HDAC6: variants seen among roughly 807,000 people sequenced by gnomAD.
The protein encoded by HDAC6 is protein deacetylase HDAC6.
A neutral mutation model predicts 88.9 loss-of-function variants in HDAC6; 5 were observed. The ratio of observed to expected loss-of-function variants is 0.06; its 90% CI spans 0.03 to 0.12. The LOEUF is 0.12. HDAC6 is among the 10% of genes least tolerant of loss of function. HDAC6 has a pLI of 1.00. For synonymous variants in HDAC6, 378 were observed against 398.0 expected, an observed-to-expected ratio of 0.95 and a Z score of 0.60; for missense variants, 706 against 1,014.4, an observed-to-expected ratio of 0.70 and a Z score of 4.13.
chrX:48,811,654 G>A lies in HDAC6; in HGVS notation c.807-2786G>A, dbSNP rs782600692. On this transcript the variant is annotated intron_variant, in intron 10 of 28. Coordinates refer to ENST00000334136, the MANE Select transcript of HDAC6 (RefSeq NM_006044.4). The stretch of plus-strand genomic sequence containing the variant: ...CAGAACAAAGGAGGCCTCTTCTTTG[G>A]GGTAACATCTCTTTTTTCCCTCAGC... 2.3e-3 allele frequency among the ~76,000 whole-genome samples: 263 copies of A among 111,961 alleles called. 2 individuals carry two copies. The highest frequency in any genetic ancestry group is 1.9e-3 in the Non-Finnish European group (103 of 53,097).
chrX:48,819,029 C>T lies in HDAC6; in HGVS notation c.2187+617C>T, dbSNP rs782388111. 1.6e-3 allele frequency among the ~76,000 whole-genome samples: 176 copies of T among 112,338 alleles called. 1 individual carries two copies. The highest frequency in any genetic ancestry group is 2.8e-3 in the Non-Finnish European group (148 of 53,233). On this transcript the variant is annotated intron_variant, in intron 22 of 28. Transcript: ENST00000334136. ...GGAGGGAAAGGGTGTGAGCACCGCT[C>T]TGTCACCCTGGGCGCCGGTGTGCAT... is the stretch of plus-strand genomic sequence containing the variant.
At chrX:48,812,947 G>A (rs1383455799) in intron 10 of HDAC6, among the ~76,000 whole-genome samples, 2 of 109,753 alleles carry the variant, frequency 1.8e-5, no homozygotes, top group Admixed American at 9.7e-5. Flanking sequence ...ATGCTCTGTC[G>A]CCCAGGCTGG....
Position 48,823,544 on chromosome X carries a change from C to T in HDAC6, c.3145C>T (p.Leu1049=). Residue 1049 remains leucine (L), a synonymous_variant, in exon 25 of 29, where the codon CTG becomes TTG. Coordinates refer to ENST00000334136, the MANE Select transcript of HDAC6 (RefSeq NM_006044.4). ...TACACCCCAGATATCTCCCAGTACA[C>T]TGATTGGGAGTCTCAGGACCTTGGA... ...GTTPQISPST[L]IGSLRTLELG... 1 of 1,209,896 alleles carries T rather than the reference C, an allele frequency of 8.3e-7. No homozygotes were observed. The highest frequency in any genetic ancestry group is 1.1e-6 in the Non-Finnish European group (1 of 894,366).
Position 48,816,125 on chromosome X carries a change from G to A in HDAC6, c.1494-16G>A, listed in dbSNP as rs781906565. ...CTCAGGCACTAAGCCTCTACCTCTC[G>A]TTTCCCCACTGCTAGCCACCACCCT... is the stretch of plus-strand genomic sequence containing the variant. On this transcript the variant is annotated splice_polypyrimidine_tract_variant and intron_variant, in intron 17 of 28. Transcript: ENST00000334136. 77 of 1,209,458 alleles carry A rather than the reference G, an allele frequency of 6.4e-5. No individual in the cohort carries two copies. The highest frequency in any genetic ancestry group is 3.0e-4 in the South Asian group (17 of 56,851).
At chrX:48,808,633 G>A (rs1557025179) in intron 10 of HDAC6, among the ~76,000 whole-genome samples, 2 of 112,274 alleles carry the variant, frequency 1.8e-5, no homozygotes, top group African/African-American at 6.5e-5. Context: ...CTGATTAACC[G>A]TTGGGTTAGA....
intron 4 of HDAC6, chrX:48,803,465 T>C (rs1351740652): frequency 2.9e-5 from 11 of 377,932 alleles, no homozygotes; most frequent in Non-Finnish European, 2.8e-5. Flanking sequence ...AGGAGCGGAT[T>C]GATGAGTAGG....
chrX:48,822,685 C>T lies in HDAC6; in HGVS notation c.2403C>T (p.Asp801=), dbSNP rs972872757. ...MAACTRSLLG[D]PPPLLTLPRP... ...CCTGCACTCGCTCCCTCCTTGGAGA[C>T]CCACCACCCCTGCTGACCCTGCCAC... The change falls in exon 24 of 29, where the codon GAC becomes GAT. Residue 801 remains aspartate, a synonymous_variant. Transcript: ENST00000334136. The T allele has an allele frequency of 2.9e-5, 35 of 1,207,265 alleles. No homozygotes were observed. The highest frequency in any genetic ancestry group is 2.6e-4 in the Admixed American group (12 of 45,586).
Position 48,824,027 on chromosome X carries a change from G to A in HDAC6, c.3409G>A (p.Gly1137Arg). 1 of 1,211,355 alleles carries A rather than the reference G, an allele frequency of 8.3e-7. No individual in the cohort carries two copies. The highest frequency in any genetic ancestry group is 1.1e-6 in the Non-Finnish European group (1 of 895,238). ...LDVTQPCGDC[G>R]TIQENWVCLS... ...CGTGACCCAACCTTGTGGGGACTGT[G>A]GAACAATCCAAGAGAATTGGGTGTG... The change falls in exon 27 of 29, where the codon GGA (glycine) becomes AGA (arginine). Residue 1137 changes from glycine to arginine, a missense_variant. Physicochemically the swap from Gly to Arg is moderately radical, Grantham distance 125. This residue lies in a region of HDAC6 where 112 missense variants were observed against 95.1 expected (regional missense o/e 1.18). Coordinates refer to ENST00000334136, the MANE Select transcript of HDAC6 (RefSeq NM_006044.4).
rs1557023840 is a variant in HDAC6, at chrX:48,805,438, C to A, written c.312C>A (p.Ser104Arg). 8.3e-7 allele frequency: 1 copy of A among 1,205,238 alleles called. No homozygotes were observed. The highest frequency in any genetic ancestry group is 1.7e-5 in the African/African-American group (1 of 57,565). Residue 104 changes from serine to arginine, a missense_variant and splice_region_variant, in exon 5 of 29, where the codon AGC (serine) becomes AGA (arginine). By Grantham distance (110) the Ser-to-Arg change is moderately radical. This residue lies in a region of HDAC6 where 193 missense variants were observed against 258.2 expected (regional missense o/e 0.75). Coordinates refer to ENST00000334136, the MANE Select transcript of HDAC6 (RefSeq NM_006044.4). ...TGTGACTGTGACTCCATCTCCCCAG[C>A]TTCCCGGAAGGCCCTGAGCGGCTCC... The part of the protein sequence containing the change: ...LNEFHCLWDD[S>R]FPEGPERLHA...
rs1557031924 is a variant in HDAC6 at position 48,824,793 on chromosome X, T to C, written c.*181T>C. ...CTTTTAAGAGAACTGCGACGATTAATTGTGGATCTCCCCCTGCCCATTGCC... is the reference window on the plus strand; with the variant it reads ...CTTTTAAGAGAACTGCGACGATTAACTGTGGATCTCCCCCTGCCCATTGCC... On this transcript the variant is annotated 3_prime_UTR_variant, in exon 29 of 29. Coordinates refer to ENST00000334136, the MANE Select transcript of HDAC6 (RefSeq NM_006044.4). 1 of 1,101,550 alleles carries C rather than the reference T, an allele frequency of 9.1e-7. No individual in the cohort carries two copies. The highest frequency in any genetic ancestry group is 2.2e-5 in the South Asian group (1 of 44,952). 90.8% of individuals were successfully genotyped at this position (1,101,550 alleles called of 1,213,427 possible).
Position 48,806,459 on chromosome X carries a change from C to A in HDAC6, c.529C>A (p.His177Asn). Residue 177 changes from histidine (H) to asparagine (N), a missense_variant, in exon 7 of 29, where the codon CAT (histidine) becomes AAT (asparagine). This residue lies in a region of HDAC6 where 193 missense variants were observed against 258.2 expected (regional missense o/e 0.75). Coordinates refer to ENST00000334136, the MANE Select transcript of HDAC6 (RefSeq NM_006044.4). Reference sequence around the variant, plus strand: ...AGACACCTACGACTCAGTTTATCTGCATCCGGTATGGATGAGAACTCTGCG... The same window carrying A: ...AGACACCTACGACTCAGTTTATCTGAATCCGGTATGGATGAGAACTCTGCG... The part of the protein sequence containing the change: ...LADTYDSVYL[H>N]PNSYSCACLA... 1 of 1,170,354 alleles carries A rather than the reference C, an allele frequency of 8.5e-7. No homozygotes were observed. The highest frequency in any genetic ancestry group is 1.2e-6 in the Non-Finnish European group (1 of 857,254).
chrX:48,801,722 A>C (rs1557022322), upstream of HDAC6: 4 of 500,071 alleles, frequency 8.0e-6, no homozygotes, highest in South Asian at 2.9e-5. Flanking sequence ...ACGCCGACGC[A>C]CCGCCCCGCC....
chrX:48,806,606 C>T lies in HDAC6; in HGVS notation c.535-3C>T, dbSNP rs373689994. ...CCTTTCTGGCTCCCCACTGTCTCTC[C>T]AGAACTCATACTCCTGTGCCTGCCT... is the stretch of plus-strand genomic sequence containing the variant. On this transcript the variant is annotated splice_polypyrimidine_tract_variant and splice_region_variant and intron_variant, in intron 7 of 28. Transcript: ENST00000334136. 6.8e-5 allele frequency: 81 copies of T among 1,196,227 alleles called. No individual in the cohort carries two copies. Among genetic ancestry groups the T allele is most frequent in the Non-Finnish European group, 1.0e-5 (9 of 883,001 alleles).
Position 48,805,541 on chromosome X carries a change from C to T in HDAC6, c.396+19C>T, listed in dbSNP as rs368591849. The T allele has an allele frequency of 8.4e-7, 1 of 1,195,474 alleles. No homozygotes were observed. Among genetic ancestry groups the T allele is most frequent in the African/African-American group, 1.8e-5 (1 of 56,827 alleles). On this transcript the variant is annotated intron_variant, in intron 5 of 28. Transcript: ENST00000334136. ...CTTTCAGGTAAGGCCCCCAAGCCAA[C>T]ACTCTGGGTGAAGGGCAGGGAGCTG...
At chrX:48,816,701 T>C in intron 19 of HDAC6, 68 bp downstream of exon 19, 1 of 1,026,865 alleles carries the variant, frequency 9.7e-7, no homozygotes, top group Admixed American at 2.7e-5. Flanking sequence ...ATCTGCTGTT[T>C]CTGGAGGCTC....
chrX:48,801,833 C>A (rs2062730842), upstream of HDAC6: 1 of 970,151 alleles, frequency 1.0e-6, no homozygotes, highest in Non-Finnish European at 1.3e-6. Flanking sequence ...AGAGACGAGG[C>A]CCAATGGAAA....
chrX:48,805,461 T>A lies in HDAC6; in HGVS notation c.335T>A (p.Leu112His). ...DDSFPEGPER[L>H]HAIKEQLIQE... ...AGCTTCCCGGAAGGCCCTGAGCGGC[T>A]CCATGCCATCAAGGAGCAACTGATC... Residue 112 changes from leucine (L) to histidine (H), a missense_variant, in exon 5 of 29, where the codon CTC becomes CAC. Leu to His is a moderately conservative substitution (Grantham distance 99). Around this residue, in one of 9 missense-constraint regions of HDAC6, gnomAD observed 193 missense variants for 258.2 expected, o/e 0.75. Coordinates refer to ENST00000334136, the MANE Select transcript of HDAC6 (RefSeq NM_006044.4). 8.3e-7 allele frequency: 1 copy of A among 1,210,106 alleles called. No individual in the cohort carries two copies. Among genetic ancestry groups the A allele is most frequent in the Non-Finnish European group, 1.1e-6 (1 of 894,517 alleles).
At chrX:48,802,273 G>T in intron 1 of HDAC6, 131 bp downstream of exon 1, 1 of 885,750 alleles carries the variant, frequency 1.1e-6, no homozygotes, top group Non-Finnish European at 1.4e-6. Flanking sequence ...GAAAGGGCAG[G>T]TTCGTGAAGG....
chrX:48,805,586 C>A, intron 5 of HDAC6, 45 bp from the exon 6 acceptor site: 6 of 1,182,125 alleles, frequency 5.1e-6, no homozygotes, highest in Non-Finnish European at 6.9e-6. Flanking sequence ...GGGTGCAGCC[C>A]ATGCCTTAAC....
Sources: gnomAD v4.1 joint callset for allele counts (sites outside exome capture counted in the v4.1 genomes callset) on GRCh38, gnomAD v4.1.1 for gene constraint, gnomAD v4.1.1 regional missense constraint, MANE v1.5 for transcripts, NCBI Gene and HGNC (gene_info 2026-07-23, HGNC 2026-07-21) for gene names.